Variants in CHD6 observed in about 807,000 individuals in gnomAD.
CHD6 encodes chromodomain helicase DNA binding protein 6.
In CHD6, 50 loss-of-function variants were observed where a neutral mutation model predicts 276.9. The observed-to-expected ratio is 0.18, with a 90% confidence interval of 0.14 to 0.23. The LOEUF is 0.23. Ranked by LOEUF, CHD6 falls within the 10% of genes least tolerant of loss-of-function variation. The pLI is 1.00. For missense variants in CHD6, 2,564 were observed against 3,365.8 expected (o/e 0.76, Z 5.89); for synonymous variants, 1,173 against 1,229.3 (o/e 0.95, Z 0.96).
chr20:41,496,461 T>C (rs763543173), intron 8 of CHD6, among the ~76,000 whole-genome samples: 15 of 152,190 alleles, frequency 9.9e-5, no homozygotes, highest in Non-Finnish European at 1.8e-4. Context: ...TGCAGGCTCT[T>C]GGAGCCTGAG....
intron 23 of CHD6, among the ~76,000 whole-genome samples, chr20:41,449,182 C>T (rs1231428543): frequency 3.9e-5 from 6 of 152,196 alleles, no homozygotes; most frequent in Admixed American, 3.3e-4. Flanking sequence ...GGATTATAGG[C>T]GTGAACCACT....
intron 1 of CHD6, among the ~76,000 whole-genome samples, chr20:41,601,493 T>C (rs981733356): frequency 2.0e-5 from 3 of 152,218 alleles, no homozygotes; most frequent in African/African-American, 7.2e-5. Context: ...CACCAGCCTC[T>C]AAGAGTGAAC....
chr20:41,577,434 G>T (rs983755965), intron 1 of CHD6, among the ~76,000 whole-genome samples: 1 of 152,104 alleles, frequency 6.6e-6, no homozygotes, highest in Non-Finnish European at 1.5e-5. Flanking sequence ...CGTTTCTCTT[G>T]ATTTTTCCAT....
chr20:41,591,015 G>T (rs954417102), intron 1 of CHD6, among the ~76,000 whole-genome samples: 1 of 151,710 alleles, frequency 6.6e-6, no homozygotes, highest in East Asian at 1.9e-4. Context: ...ATACACCATG[G>T]AATACTATGC....
chr20:41,455,872 T>A lies in CHD6; in HGVS notation c.2937A>T (p.Ile979=). 2.5e-6 allele frequency: 4 copies of A among 1,613,148 alleles called. No individual in the cohort carries two copies. The highest frequency in any genetic ancestry group is 3.4e-6 in the Non-Finnish European group (4 of 1,179,634). The part of the protein sequence containing the change: ...DEGSKFCEED[I]DQILQRRTHT... ...GCGTTCGCCTCTGCAGAATCTGGTC[T>A]ATGTCTTCTTCACAGAACTTGGAGC... Residue 979 remains isoleucine (I), a synonymous_variant, in exon 19 of 37, where the codon ATA becomes ATT. Coordinates refer to ENST00000373233, the MANE Select transcript of CHD6 (RefSeq NM_032221.5).
chr20:41,575,298 C>A (rs1332034111), intron 1 of CHD6, among the ~76,000 whole-genome samples: 1 of 152,148 alleles, frequency 6.6e-6, no homozygotes, highest in Non-Finnish European at 1.5e-5. Flanking sequence ...TTGTTCAATT[C>A]TTTCCTTGCT....
chr20:41,413,727 A>C, intron 34 of CHD6: 3 of 432,782 alleles, frequency 6.9e-6, no homozygotes, highest in Non-Finnish European at 8.2e-6. Flanking sequence ...TCACCTGAGC[A>C]CTCCTCTCCC....
At chr20:41,477,118 A>G (rs2043185859) in intron 16 of CHD6, among the ~76,000 whole-genome samples, 1 of 152,098 alleles carries the variant, frequency 6.6e-6, no homozygotes, top group East Asian at 1.9e-4. Context: ...CAATGTGCCT[A>G]TCGTCCTAGC....
chr20:41,440,305 C>A (rs1445591152), intron 25 of CHD6, among the ~76,000 whole-genome samples, 176 bp from the exon 26 acceptor site: 1 of 152,118 alleles, frequency 6.6e-6, no homozygotes, highest in Non-Finnish European at 1.5e-5. Flanking sequence ...GGTGCTAAAG[C>A]GGACACCTTT....
chr20:41,583,671 A>T (rs923363421), intron 1 of CHD6, among the ~76,000 whole-genome samples: 3 of 152,204 alleles, frequency 2.0e-5, no homozygotes, highest in Admixed American at 6.5e-5. Flanking sequence ...TAACTGCCTA[A>T]AGCAAAAACA....
chr20:41,564,191 A>C (rs1224177717), intron 1 of CHD6: 1 of 665,084 alleles, frequency 1.5e-6, no homozygotes, highest in Admixed American at 2.6e-5. Flanking sequence ...TGAAATGAGA[A>C]GCCATCTACA....
At chr20:41,497,246 G>A (rs2043709996) in intron 8 of CHD6, 138 bp downstream of exon 8, 1 of 659,852 alleles carries the variant, frequency 1.5e-6, no homozygotes, top group Admixed American at 2.3e-5. Context: ...TAGTTTTGTT[G>A]CAAATCAGCA....
intron 3 of CHD6, among the ~76,000 whole-genome samples, chr20:41,529,215 T>C (rs1282612681): frequency 6.6e-6 from 1 of 152,230 alleles, no homozygotes; most frequent in Non-Finnish European, 1.5e-5. Flanking sequence ...ATAGGAGTTA[T>C]AAGATACCTT....
Position 41,403,496 on chromosome 20 carries a change from T to G in CHD6, c.*1097A>C, listed in dbSNP as rs1300960630. 1.9e-6 allele frequency: 2 copies of G among 1,062,488 alleles called. No individual in the cohort carries two copies. Among genetic ancestry groups the G allele is most frequent in the African/African-American group, 3.3e-5 (2 of 60,930 alleles). 65.8% of individuals were successfully genotyped at this position (1,062,488 alleles called of 1,614,324 possible). A position where few individuals can be genotyped will look rare whatever the true frequency, so the allele number is the denominator to read the frequency against. On this transcript the variant is annotated 3_prime_UTR_variant, in exon 37 of 37. Transcript: ENST00000373233. ...ATAATTTGGAATTTGGGTCCAACTG[T>G]AAGATATAAACAGAATGGAGAAATT... is the stretch of plus-strand genomic sequence containing the variant.
chr20:41,611,092 C>A (rs2045882865), intron 1 of CHD6, among the ~76,000 whole-genome samples: 1 of 152,158 alleles, frequency 6.6e-6, no homozygotes, highest in African/African-American at 2.4e-5. Flanking sequence ...ATTCTCTGAT[C>A]TTACTATTTT....
chr20:41,559,786 C>G (rs868779674), intron 1 of CHD6, among the ~76,000 whole-genome samples: 16 of 152,050 alleles, frequency 1.1e-4, no homozygotes, highest in African/African-American at 3.9e-4. Flanking sequence ...CCAACCACAT[C>G]CTGGCCAGTT....
intron 2 of CHD6, among the ~76,000 whole-genome samples, chr20:41,544,828 AC>A (rs2045010464): frequency 1.3e-5 from 2 of 151,742 alleles, no homozygotes; most frequent in African/African-American, 4.8e-5. Context: ...ATATATGATT[AC>A]TATGTAATAT....
At chr20:41,409,900 T>G (rs2046792600) in intron 36 of CHD6, among the ~76,000 whole-genome samples, 1 of 152,314 alleles carries the variant, frequency 6.6e-6, no homozygotes, top group East Asian at 1.9e-4. Flanking sequence ...TATATACATA[T>G]GTAACTTACA....
At chr20:41,466,427 T>TTGAA (rs2042922319) in intron 17 of CHD6, among the ~76,000 whole-genome samples, 1 of 152,210 alleles carries the variant, frequency 6.6e-6, no homozygotes, top group Non-Finnish European at 1.5e-5. Flanking sequence ...TATATTACAG[T>TTGAA]TTATTCAATT....
Sources: allele counts gnomAD v4.1 joint callset (sites outside exome capture counted in the v4.1 genomes callset), GRCh38; gene constraint gnomAD v4.1.1; transcripts MANE v1.5; gene names NCBI Gene and HGNC (gene_info 2026-07-23, HGNC 2026-07-21).